Variants in CNTNAP5 observed in about 807,000 individuals in gnomAD.
The protein encoded by CNTNAP5 is contactin-associated protein-like 5.
Under a neutral mutation model 150.2 loss-of-function variants are expected in CNTNAP5, and 72 were observed. The ratio of observed to expected loss-of-function variants is 0.48; its 90% CI spans 0.40 to 0.58. CNTNAP5 has a LOEUF of 0.58. CNTNAP5 is among the 20% of genes least tolerant of loss of function. The probability of loss-of-function intolerance (pLI) is 0.00; values close to 1 mark genes in which losing one functional copy is unlikely to be tolerated. For synonymous variants in CNTNAP5, 672 were observed against 619.8 expected (o/e 1.08, Z -1.25); for missense variants, 1,636 against 1,626.2 (o/e 1.01, Z -0.10).
At chr2:124,694,995 T>TGTGTGA (rs1679376561) in intron 13 of CNTNAP5, among the ~76,000 whole-genome samples, 1 of 27,778 alleles carries the variant, frequency 3.6e-5, no homozygotes, top group South Asian at 1.0e-3. Context: ...TTTCCTAAAT[T>TGTGTGA]GTGTGTGTGT....
intron 19 of CNTNAP5, among the ~76,000 whole-genome samples, chr2:124,836,403 A>G (rs1682830415): frequency 6.6e-6 from 1 of 152,190 alleles, no homozygotes; most frequent in Admixed American, 6.6e-5. Flanking sequence ...CAGACAGCTT[A>G]TCCTCTTACA....
chr2:124,791,693 C>CTTTTTTTTTT (rs538796535), intron 18 of CNTNAP5, among the ~76,000 whole-genome samples: 1 of 115,390 alleles, frequency 8.7e-6, no homozygotes. Context: ...AGCCTAATTT[C>CTTTTTTTTTT]TTTTTTTTTT....
At chr2:124,202,043 T>G (rs7558880) in intron 1 of CNTNAP5, among the ~76,000 whole-genome samples, 47,506 of 152,032 alleles carry the variant, frequency 0.31, 7,556 homozygotes, top group South Asian at 0.48. Flanking sequence ...ACTTCATAAA[T>G]CATGTTTCAA....
intron 21 of CNTNAP5, among the ~76,000 whole-genome samples, chr2:124,890,301 C>T (rs1344951407): frequency 6.6e-6 from 1 of 152,036 alleles, no homozygotes; most frequent in Non-Finnish European, 1.5e-5. Flanking sequence ...GTTTTGCTTC[C>T]TCCTGGGAAT....
intron 10 of CNTNAP5, among the ~76,000 whole-genome samples, chr2:124,546,255 A>T (rs940962107): frequency 6.6e-6 from 1 of 152,142 alleles, no homozygotes; most frequent in African/African-American, 2.4e-5. Context: ...CTATACTTCC[A>T]GTTCTGCCTA....
chr2:124,347,878 G>T (rs1235120752), intron 3 of CNTNAP5, among the ~76,000 whole-genome samples: 3 of 150,750 alleles, frequency 2.0e-5, no homozygotes, highest in African/African-American at 7.3e-5. Context: ...AGGCTGGAGT[G>T]CAGTGGCACG....
intron 2 of CNTNAP5, among the ~76,000 whole-genome samples, chr2:124,231,565 G>A (rs1005089357): frequency 6.6e-6 from 1 of 152,122 alleles, no homozygotes; most frequent in Non-Finnish European, 1.5e-5. Flanking sequence ...AGGGTTCTCA[G>A]TATTTTAACT....
chr2:124,047,056 C>G (rs1254087896), intron 1 of CNTNAP5, among the ~76,000 whole-genome samples: 1 of 152,082 alleles, frequency 6.6e-6, no homozygotes, highest in African/African-American at 2.4e-5. Flanking sequence ...GCCTAAGAAT[C>G]GAGTGTTTAC....
intron 2 of CNTNAP5, among the ~76,000 whole-genome samples, chr2:124,237,480 A>C (rs1686779096): frequency 6.6e-6 from 1 of 152,122 alleles, no homozygotes; most frequent in Admixed American, 6.5e-5. Context: ...TGGTATATAG[A>C]AGTGAGCATG....
chr2:124,174,366 T>A (rs1685012751), intron 1 of CNTNAP5, among the ~76,000 whole-genome samples: 2 of 152,168 alleles, frequency 1.3e-5, no homozygotes, highest in South Asian at 4.1e-4. Context: ...AATTGAAAAC[T>A]TTCTGGAGAG....
At chr2:124,121,366 C>T (rs1286596102) in intron 1 of CNTNAP5, among the ~76,000 whole-genome samples, 3 of 152,172 alleles carry the variant, frequency 2.0e-5, no homozygotes, top group South Asian at 2.1e-4. Flanking sequence ...GTGGCACACA[C>T]GTGTGCATTT....
intron 2 of CNTNAP5, among the ~76,000 whole-genome samples, chr2:124,222,731 T>G (rs1046817664): frequency 2.8e-5 from 3 of 106,312 alleles, no homozygotes; most frequent in Admixed American, 1.2e-4. Flanking sequence ...TCGTTGTGTT[T>G]TTTTTTTTTT....
At chr2:124,835,082 C>T (rs1290990193) in intron 19 of CNTNAP5, among the ~76,000 whole-genome samples, 1 of 152,030 alleles carries the variant, frequency 6.6e-6, no homozygotes, top group East Asian at 1.9e-4. Flanking sequence ...TTAATAATGA[C>T]TTTTATCTAA....
chr2:124,058,443 C>T (rs952163211), intron 1 of CNTNAP5, among the ~76,000 whole-genome samples: 3 of 152,044 alleles, frequency 2.0e-5, no homozygotes, highest in Admixed American at 1.3e-4. Flanking sequence ...TAAGAATAGC[C>T]CACATCAATC....
chr2:124,782,581 A>G (rs1681477031), intron 17 of CNTNAP5, among the ~76,000 whole-genome samples: 1 of 152,192 alleles, frequency 6.6e-6, no homozygotes, highest in Non-Finnish European at 1.5e-5. Flanking sequence ...GGAGAATTTT[A>G]GTTCAATTGC....
intron 10 of CNTNAP5, among the ~76,000 whole-genome samples, chr2:124,552,415 CAT>C (rs1207258041): frequency 6.6e-6 from 1 of 152,180 alleles, no homozygotes; most frequent in Non-Finnish European, 1.5e-5. Flanking sequence ...GGCAATGATA[CAT>C]GTCCAGTGCC....
chr2:124,207,759 A>G lies in CNTNAP5; in HGVS notation c.83-13946A>G, dbSNP rs377487404. Among the ~76,000 whole-genome samples, 6 of 152,254 alleles carry G rather than the reference A, an allele frequency of 3.9e-5. No individual in the cohort carries two copies. The East Asian group carries it at 1.2e-3, about 29-fold the overall frequency. The stretch of plus-strand genomic sequence containing the variant: ...ATATTTAGTGAACACAATACAATGT[A>G]TTTTCCTGCTATTTTTAATCTGTTC... On this transcript the variant is annotated intron_variant, in intron 1 of 23. Transcript: ENST00000682447.
intron 4 of CNTNAP5, among the ~76,000 whole-genome samples, chr2:124,427,025 G>A (rs181041148): frequency 5.8e-4 from 88 of 152,212 alleles, no homozygotes; most frequent in Admixed American, 5.3e-3. Context: ...AACAAACCAC[G>A]AATTGAATTG....
intron 22 of CNTNAP5, 46 bp downstream of exon 22, chr2:124,903,146 CT>C (rs1302969193): frequency 6.6e-6 from 8 of 1,216,902 alleles, no homozygotes; most frequent in Non-Finnish European, 8.8e-6. Context: ...ACTAGCACTA[CT>C]TTTTGTGTCT....
Sources: allele counts gnomAD v4.1 joint callset (sites outside exome capture counted in the v4.1 genomes callset), GRCh38; gene constraint gnomAD v4.1.1; transcripts MANE v1.5; gene names NCBI Gene and HGNC (gene_info 2026-07-23, HGNC 2026-07-21).